The following FRMD4A variants were observed in gnomAD, a reference collection of about 807,000 sequenced individuals.
FRMD4A encodes the protein FERM domain containing 4A, also known as FERM domain-containing protein 4A.
A neutral mutation model predicts 129.1 loss-of-function variants in FRMD4A; 29 were observed. The ratio of observed to expected loss-of-function variants is 0.22; its 90% CI spans 0.17 to 0.31. FRMD4A has a LOEUF of 0.31. Ranked by LOEUF, FRMD4A falls within the 10% of genes least tolerant of loss-of-function variation. FRMD4A has a pLI of 1.00. For missense variants in FRMD4A, 1,272 were observed against 1,375.8 expected (o/e 0.92, Z 1.19); for synonymous variants, 634 against 571.6 (o/e 1.11, Z -1.56).
intron 2 of FRMD4A, among the ~76,000 whole-genome samples, chr10:14,143,273 T>C (rs542496856): frequency 2.0e-5 from 3 of 152,304 alleles, no homozygotes; most frequent in African/African-American, 7.2e-5. Context: ...ACATGGTATA[T>C]ACATACAATT....
At chr10:14,326,053 T>C (rs994677168) in intron 2 of FRMD4A, 5 of 152,222 alleles carry the variant, frequency 3.3e-5, no homozygotes, top group Non-Finnish European at 2.9e-5. Context: ...AAAATATGAC[T>C]CTCAGTAATT....
At chr10:13,775,531 A>T (rs2092575765) in intron 6 of FRMD4A, among the ~76,000 whole-genome samples, 1 of 152,202 alleles carries the variant, frequency 6.6e-6, no homozygotes, top group Non-Finnish European at 1.5e-5. Context: ...TACTTCCCAT[A>T]TGCGCTTTCT....
At chr10:13,895,133 C>T (rs568747745) in intron 2 of FRMD4A, among the ~76,000 whole-genome samples, 102 of 152,300 alleles carry the variant, frequency 6.7e-4, no homozygotes, top group Admixed American at 2.1e-3. Flanking sequence ...AGGTTTGTTG[C>T]ATAGGTAAAC....
At position 13,738,706 on chromosome 10, in the gene FRMD4A, C is replaced by T. The variant is rs548664396; in HGVS notation, c.673-776G>A. ...CACAATCCTGGCTCACTGCAACCTC[C>T]GCCTCCCAGGTTCAAGGAATTCACC... On this transcript the variant is annotated intron_variant, in intron 11 of 24. Coordinates refer to ENST00000357447, the MANE Select transcript of FRMD4A (RefSeq NM_018027.5). Among the ~76,000 whole-genome samples, 14 of 152,276 alleles carry T rather than the reference C, an allele frequency of 9.2e-5. No homozygotes were observed. The South Asian group carries it at 1.2e-3, about 14-fold the overall frequency.
chr10:14,246,428 C>T (rs1844241165), intron 2 of FRMD4A, among the ~76,000 whole-genome samples: 1 of 152,044 alleles, frequency 6.6e-6, no homozygotes. Flanking sequence ...TACACACTTT[C>T]ATGCACTCAT....
chr10:13,786,140 A>T (rs1284188734), intron 5 of FRMD4A, among the ~76,000 whole-genome samples: 1 of 152,164 alleles, frequency 6.6e-6, no homozygotes, highest in Admixed American at 6.5e-5. Context: ...TATACCCAGT[A>T]ATGGGATGGC....
At chr10:13,913,418 G>A (rs1206781394) in intron 2 of FRMD4A, among the ~76,000 whole-genome samples, 2 of 152,164 alleles carry the variant, frequency 1.3e-5, no homozygotes, top group African/African-American at 2.4e-5. Context: ...TACTTTAATA[G>A]ATGAATTGTA....
At chr10:13,820,277 G>A (rs918211518) in intron 3 of FRMD4A, among the ~76,000 whole-genome samples, 1 of 152,150 alleles carries the variant, frequency 6.6e-6, no homozygotes, top group Non-Finnish European at 1.5e-5. Flanking sequence ...CGAAGACCTC[G>A]TTTCCGTGTA....
intron 2 of FRMD4A, among the ~76,000 whole-genome samples, chr10:14,246,932 A>G (rs1844263253): frequency 6.6e-6 from 1 of 152,152 alleles, no homozygotes; most frequent in South Asian, 2.1e-4. Context: ...CCGGTAGTGT[A>G]GCTGCGTTGT....
In FRMD4A at chr10:14,329,855, T is replaced by C. The variant is rs548847896; in HGVS notation, c.45+203A>G. On this transcript the variant is annotated intron_variant, in intron 2 of 24. Coordinates refer to ENST00000357447, the MANE Select transcript of FRMD4A (RefSeq NM_018027.5). ...AGCATTCAGCAACAAGTTTCTGAAA[T>C]GGCAAATCTACAGCTTCTTTTCCCT... 3.9e-5 allele frequency among the ~76,000 whole-genome samples: 6 copies of C among 152,316 alleles called. No individual in the cohort carries two copies. In the South Asian group the frequency reaches 1.0e-3, roughly 26 times the overall value.
chr10:14,008,257 G>A, intron 2 of FRMD4A: 1 of 1,066,040 alleles, frequency 9.4e-7, no homozygotes, highest in Non-Finnish European at 1.2e-6. Context: ...ATAAGTTATG[G>A]TCTCCTGGAG....
At chr10:14,175,869 G>A (rs1195538870) in intron 2 of FRMD4A, among the ~76,000 whole-genome samples, 1 of 152,154 alleles carries the variant, frequency 6.6e-6, no homozygotes, top group East Asian at 1.9e-4. Context: ...CTTAGTTGCA[G>A]GCTGCAACCT....
At chr10:14,054,965 C>T (rs1464045778) in intron 2 of FRMD4A, among the ~76,000 whole-genome samples, 1 of 152,152 alleles carries the variant, frequency 6.6e-6, no homozygotes, top group Non-Finnish European at 1.5e-5. Context: ...TCCATTAAAC[C>T]TCTCTCCTTT....
chr10:14,320,089 T>A (rs1418520349), intron 2 of FRMD4A, among the ~76,000 whole-genome samples: 1 of 152,022 alleles, frequency 6.6e-6, no homozygotes, highest in Non-Finnish European at 1.5e-5. Flanking sequence ...TGCCACCTCT[T>A]TACCTCCCGC....
At chr10:14,299,987 T>G (rs756980289) in intron 2 of FRMD4A, among the ~76,000 whole-genome samples, 35 of 151,822 alleles carry the variant, frequency 2.3e-4, no homozygotes, top group Non-Finnish European at 4.9e-4. Flanking sequence ...AAGTGCAAAG[T>G]GAAGGCTGAA....
chr10:13,744,603 A>T (rs895022927), intron 9 of FRMD4A: 19 of 152,152 alleles, frequency 1.2e-4, no homozygotes, highest in African/African-American at 4.6e-4. Flanking sequence ...GGATGCTAAG[A>T]CCCACTGCCT....
chr10:14,110,629 T>TAACAA (rs141263753), intron 2 of FRMD4A, among the ~76,000 whole-genome samples: 28,752 of 150,572 alleles, frequency 0.19, 2,788 homozygotes, highest in East Asian at 0.25. Context: ...GCTTTCTTGC[T>TAACAA]AACAAAACAA....
intron 2 of FRMD4A, among the ~76,000 whole-genome samples, chr10:14,253,657 G>A (rs893150673): frequency 3.3e-5 from 5 of 152,166 alleles, no homozygotes; most frequent in Admixed American, 6.5e-5. Context: ...ACCCAGCTCT[G>A]GATAAAGATT....
chr10:14,130,418 G>A (rs1049352459), intron 2 of FRMD4A, among the ~76,000 whole-genome samples: 14 of 151,994 alleles, frequency 9.2e-5, no homozygotes, highest in Admixed American at 8.5e-4. Flanking sequence ...ATGCCACAAT[G>A]TCAGGCTAAT....
Sources: gnomAD v4.1 joint callset for allele counts (sites outside exome capture counted in the v4.1 genomes callset) on GRCh38, gnomAD v4.1.1 for gene constraint, MANE v1.5 for transcripts, NCBI Gene and HGNC (gene_info 2026-07-23, HGNC 2026-07-21) for gene names.